The following PTPRD variants were observed in gnomAD, a reference collection of about 807,000 sequenced individuals.
PTPRD encodes the protein receptor-type tyrosine-protein phosphatase delta.
PTPRD carries 34 observed loss-of-function variants against 214.5 expected under a neutral mutation model. That is an observed-to-expected ratio of 0.16 (90% CI 0.12 to 0.21). The LOEUF (loss-of-function observed/expected upper bound fraction) is 0.21, where lower values mean the gene tolerates loss of function less well. PTPRD is among the 10% of genes least tolerant of loss of function. PTPRD has a pLI of 1.00. For missense variants in PTPRD, 2,545 were observed against 2,398.7 expected, an observed-to-expected ratio of 1.06 and a Z score of -1.27; for synonymous variants, 1,128 against 845.7, an observed-to-expected ratio of 1.33 and a Z score of -5.79.
chr9:9,006,203 T>C (rs890555199), intron 11 of PTPRD, among the ~76,000 whole-genome samples: 1 of 33,706 alleles, frequency 3.0e-5, no homozygotes, highest in Admixed American at 4.5e-4. Context: ...ATCCAACCGA[T>C]GATGTAATGT....
Position 9,332,845 on chromosome 9 carries a change from G to C in PTPRD, c.-203+64604C>G, listed in dbSNP as rs186461442. ...AATTACATGTGGAAATTCAATTCCT[G>C]ATACTTTCATCAAGTGGATACATGT... On this transcript the variant is annotated intron_variant, in intron 9 of 45. Transcript: ENST00000381196. 3.8e-3 allele frequency among the ~76,000 whole-genome samples: 571 copies of C among 152,042 alleles called. 1 individual carries two copies. The highest frequency in any genetic ancestry group is 0.013 in the African/African-American group (529 of 41,520).
chr9:10,175,832 G>A (rs1211737170), intron 3 of PTPRD, among the ~76,000 whole-genome samples: 1 of 151,878 alleles, frequency 6.6e-6, no homozygotes, highest in Admixed American at 6.6e-5. Context: ...ACACAACTTT[G>A]TCTGGAATTA....
intron 31 of PTPRD, among the ~76,000 whole-genome samples, chr9:8,469,621 T>C (rs1378330159): frequency 6.6e-6 from 1 of 152,118 alleles, no homozygotes; most frequent in East Asian, 1.9e-4. Flanking sequence ...AAAGGATTAC[T>C]ATTTTCTGAA....
chr9:9,182,246 G>A (rs765229323), intron 10 of PTPRD, among the ~76,000 whole-genome samples: 4 of 151,948 alleles, frequency 2.6e-5, no homozygotes, highest in African/African-American at 7.2e-5. Flanking sequence ...GGACCTTTGT[G>A]TACCTTCTCC....
chr9:8,827,477 C>A (rs1181673664), intron 11 of PTPRD, among the ~76,000 whole-genome samples: 1 of 151,960 alleles, frequency 6.6e-6, no homozygotes, highest in East Asian at 1.9e-4. Context: ...TATGGTGGCG[C>A]ACCCCTGTAA....
intron 8 of PTPRD, among the ~76,000 whole-genome samples, chr9:9,513,117 A>G (rs1419560006): frequency 2.0e-5 from 3 of 151,910 alleles, no homozygotes; most frequent in African/African-American, 4.8e-5. Context: ...AAATAACAAG[A>G]TAGTATATGT....
At chr9:10,590,844 C>T (rs556911529) in intron 2 of PTPRD, among the ~76,000 whole-genome samples, 5 of 151,372 alleles carry the variant, frequency 3.3e-5, no homozygotes, top group Non-Finnish European at 7.4e-5. Flanking sequence ...TCACTATTAG[C>T]CTGGAGGCAA....
rs970555588 is a variant in PTPRD, at chr9:8,934,377, T to C, written c.-104+84320A>G. Among the ~76,000 whole-genome samples, 239 of 136,378 alleles carry C rather than the reference T, an allele frequency of 1.8e-3. 2 individuals carry two copies. The highest frequency in any genetic ancestry group is 6.3e-3 in the African/African-American group (227 of 36,126). The allele number at this position is 136,378 out of a possible 152,430, so 89.5% of individuals were successfully genotyped here. On this transcript the variant is annotated intron_variant, in intron 11 of 45. Transcript: ENST00000381196. ...CCTTCCCAGCTTTATAGAGGTGTAA[T>C]TGACAAATACTAATTATGTGTGTGT...
chr9:8,454,131 C>A (rs2096079775), intron 33 of PTPRD, among the ~76,000 whole-genome samples: 1 of 152,106 alleles, frequency 6.6e-6, no homozygotes, highest in African/African-American at 2.4e-5. Context: ...AGAGTTCTCA[C>A]TAAGGCACTG....
At chr9:9,191,253 G>A (rs936967965) in intron 9 of PTPRD, among the ~76,000 whole-genome samples, 2 of 152,050 alleles carry the variant, frequency 1.3e-5, no homozygotes, top group African/African-American at 2.4e-5. Flanking sequence ...TTTCGCTTAC[G>A]ACAGAGACTA....
intron 11 of PTPRD, among the ~76,000 whole-genome samples, chr9:8,986,923 A>T (rs1315478076): frequency 6.6e-6 from 1 of 152,074 alleles, no homozygotes; most frequent in Non-Finnish European, 1.5e-5. Context: ...GTCTCTGAGG[A>T]CTAAGGAGGC....
At chr9:9,467,196 G>A (rs1424715365) in intron 8 of PTPRD, among the ~76,000 whole-genome samples, 2 of 144,012 alleles carry the variant, frequency 1.4e-5, no homozygotes. Flanking sequence ...ATCATATAGA[G>A]ATGATGGTTC....
intron 7 of PTPRD, among the ~76,000 whole-genome samples, chr9:9,610,528 T>C (rs1442116998): frequency 6.6e-6 from 1 of 152,174 alleles, no homozygotes; most frequent in East Asian, 1.9e-4. Flanking sequence ...TTGAATTTTT[T>C]TAGGACAAAT....
At chr9:8,578,517 C>A (rs1046172826) in intron 14 of PTPRD, among the ~76,000 whole-genome samples, 4 of 152,226 alleles carry the variant, frequency 2.6e-5, no homozygotes, top group Admixed American at 6.5e-5. Flanking sequence ...CAGAAAAATT[C>A]TCTAGGCTGT....
At chr9:10,278,815 C>T (rs1189058342) in intron 3 of PTPRD, among the ~76,000 whole-genome samples, 1 of 151,696 alleles carries the variant, frequency 6.6e-6, no homozygotes, top group Non-Finnish European at 1.5e-5. Flanking sequence ...CGCTCTGTTG[C>T]CCAGGCTGGA....
chr9:8,508,508 C>G (rs763790838), intron 21 of PTPRD, among the ~76,000 whole-genome samples: 14 of 152,056 alleles, frequency 9.2e-5, no homozygotes, highest in Non-Finnish European at 1.9e-4. Context: ...TATGGCATGT[C>G]TCAATGTGCT....
At chr9:9,156,857 TA>T (rs2154492087) in intron 10 of PTPRD, among the ~76,000 whole-genome samples, 1 of 152,322 alleles carries the variant, frequency 6.6e-6, no homozygotes, top group South Asian at 2.1e-4. Flanking sequence ...TTTCTATTCC[TA>T]TTCCACTGGT....
intron 44 of PTPRD, among the ~76,000 whole-genome samples, chr9:8,328,914 G>C (rs900736817): frequency 2.0e-5 from 3 of 151,202 alleles, no homozygotes; most frequent in Non-Finnish European, 2.9e-5. Flanking sequence ...GCTTATTCTA[G>C]TTAGCAATTC....
intron 11 of PTPRD, among the ~76,000 whole-genome samples, chr9:8,796,319 C>G (rs1199254402): frequency 6.6e-6 from 1 of 152,044 alleles, no homozygotes; most frequent in Non-Finnish European, 1.5e-5. Context: ...TAAAACTGAA[C>G]AGTATTCTAT....
Sources: allele counts gnomAD v4.1 joint callset (sites outside exome capture counted in the v4.1 genomes callset), GRCh38; gene constraint gnomAD v4.1.1; transcripts MANE v1.5; gene names NCBI Gene and HGNC (gene_info 2026-07-23, HGNC 2026-07-21).